RGS5: variants seen among roughly 807,000 people sequenced by gnomAD.
The protein encoded by RGS5 is regulator of G protein signaling 5.
In RGS5, 20 loss-of-function variants were observed where a neutral mutation model predicts 18.9. That is an observed-to-expected ratio of 1.06 (90% CI 0.74 to 1.54). The LOEUF is 1.54. Among genes scored for constraint, RGS5 ranks in the 40% most tolerant of loss-of-function variants. The probability of loss-of-function intolerance (pLI) is 0.00; values close to 1 mark genes in which losing one functional copy is unlikely to be tolerated. For synonymous variants in RGS5, 57 were observed against 76.2 expected (o/e 0.75, Z 1.31); for missense variants, 201 against 211.8 (o/e 0.95, Z 0.32).
intron 3 of RGS5, 133 bp downstream of exon 3, chr1:163,161,782 C>T (rs1657807520): frequency 4.6e-6 from 3 of 652,918 alleles, no homozygotes. Context: ...AGCCCCCTTC[C>T]CTTATTGATA....
chr1:163,155,163 C>T (rs1414020445), intron 3 of RGS5, among the ~76,000 whole-genome samples: 2 of 152,052 alleles, frequency 1.3e-5, no homozygotes, highest in East Asian at 1.9e-4. Context: ...CAAATTTATT[C>T]TAATTAGCCC....
chr1:163,283,226 G>A (rs1057314806), intron 2 of RGS5, among the ~76,000 whole-genome samples: 1 of 152,124 alleles, frequency 6.6e-6, no homozygotes, highest in African/African-American at 2.4e-5. Flanking sequence ...TAACACTGCA[G>A]GGAGAATATG....
intron 4 of RGS5, among the ~76,000 whole-genome samples, chr1:163,147,812 T>C (rs1337068944): frequency 6.7e-6 from 1 of 149,736 alleles, no homozygotes; most frequent in Non-Finnish European, 1.5e-5. Context: ...AAAAATATTA[T>C]ATGCAGAAGG....
intron 2 of RGS5, among the ~76,000 whole-genome samples, chr1:163,244,133 T>G (rs1248063521): frequency 6.6e-6 from 1 of 152,214 alleles, no homozygotes; most frequent in Middle Eastern, 3.2e-3. Context: ...TGAGATGTAC[T>G]TCAAGTCAAT....
At chr1:163,306,264 ATTC>A in exon 2 of RGS5, 1 of 152,318 alleles carries the variant, frequency 6.6e-6, no homozygotes, top group Admixed American at 6.5e-5. Context: ...AGTGTCACCA[ATTC>A]AGTTAACTTT....
chr1:163,285,998 G>GTGCA (rs1553226794), intron 2 of RGS5, among the ~76,000 whole-genome samples: 1 of 135,030 alleles, frequency 7.4e-6, no homozygotes, highest in Non-Finnish European at 1.6e-5. Flanking sequence ...TTTAATTTAT[G>GTGCA]CACACACACA....
At chr1:163,169,476 C>T (rs1248910468) in intron 1 of RGS5, among the ~76,000 whole-genome samples, 1 of 152,138 alleles carries the variant, frequency 6.6e-6, no homozygotes, top group African/African-American at 2.4e-5. Flanking sequence ...TACAGTCTCA[C>T]CAACAGTGTA....
chr1:163,308,150 C>T (rs1257565743), intron 1 of RGS5, among the ~76,000 whole-genome samples: 1 of 152,166 alleles, frequency 6.6e-6, no homozygotes, highest in African/African-American at 2.4e-5. Flanking sequence ...TTACACAAGT[C>T]AGCAGTGTGC....
chr1:163,235,164 C>G (rs1289122859), intron 2 of RGS5, among the ~76,000 whole-genome samples: 1 of 152,170 alleles, frequency 6.6e-6, no homozygotes, highest in Non-Finnish European at 1.5e-5. Flanking sequence ...TAATTCATAT[C>G]CCTTCTACAT....
intron 1 of RGS5, among the ~76,000 whole-genome samples, chr1:163,173,770 G>A (rs1024892903): frequency 2.0e-5 from 3 of 152,252 alleles, no homozygotes; most frequent in East Asian, 1.9e-4. Context: ...GAAGGTAGGT[G>A]GAGTATAAAA....
At chr1:163,316,215 T>G (rs983186414) in intron 1 of RGS5, among the ~76,000 whole-genome samples, 2 of 152,210 alleles carry the variant, frequency 1.3e-5, no homozygotes, top group African/African-American at 4.8e-5. Context: ...ATGCTACCTA[T>G]GTCAGCAAGC....
chr1:163,278,985 G>A (rs538922462), intron 2 of RGS5, among the ~76,000 whole-genome samples: 39 of 152,154 alleles, frequency 2.6e-4, no homozygotes, highest in South Asian at 6.2e-4. Context: ...TCAGCAAGAC[G>A]CTATAACATT....
chr1:163,311,601 T>C (rs369204610), intron 1 of RGS5, among the ~76,000 whole-genome samples: 1 of 152,160 alleles, frequency 6.6e-6, no homozygotes. Context: ...TCTCAGGAAA[T>C]AGGGAGGCCC....
intron 3 of RGS5, among the ~76,000 whole-genome samples, chr1:163,159,207 C>T (rs1308801052): frequency 6.6e-6 from 1 of 152,076 alleles, no homozygotes; most frequent in Non-Finnish European, 1.5e-5. Flanking sequence ...GCAGTTAATG[C>T]AATCATCACA....
intron 1 of RGS5, among the ~76,000 whole-genome samples, chr1:163,208,615 T>G (rs1410678468): frequency 7.3e-6 from 1 of 137,512 alleles, no homozygotes; most frequent in African/African-American, 2.7e-5. Flanking sequence ...TTAGAAAGAT[T>G]AAAAATAAAG....
At chr1:163,296,076 C>T (rs4657259) in intron 2 of RGS5, among the ~76,000 whole-genome samples, 4 of 151,890 alleles carry the variant, frequency 2.6e-5, no homozygotes, top group Non-Finnish European at 5.9e-5. Flanking sequence ...TTTCTTATTA[C>T]AGTTCCAGTG....
intron 2 of RGS5, among the ~76,000 whole-genome samples, chr1:163,282,236 GCAAA>G (rs1649013906): frequency 6.6e-6 from 1 of 151,838 alleles, no homozygotes; most frequent in South Asian, 2.1e-4. Context: ...CAACTCAACA[GCAAA>G]CAAACAAATA....
chr1:163,227,016 T>C (rs1014433298), intron 2 of RGS5, among the ~76,000 whole-genome samples: 1 of 152,266 alleles, frequency 6.6e-6, no homozygotes, highest in Non-Finnish European at 1.5e-5. Context: ...CAGTGCTTGA[T>C]AGCATGGCCC....
At chr1:163,300,485 T>A (rs1649526598) in intron 2 of RGS5, 1 of 152,236 alleles carries the variant, frequency 6.6e-6, no homozygotes. Flanking sequence ...GGTTATCAAG[T>A]CCTAAACCAA....
Sources: allele counts gnomAD v4.1 joint callset (sites outside exome capture counted in the v4.1 genomes callset), GRCh38; gene constraint gnomAD v4.1.1; transcripts MANE v1.5; gene names NCBI Gene and HGNC (gene_info 2026-07-23, HGNC 2026-07-21).